Variants in ANGPTL2 observed in about 807,000 individuals in gnomAD.
The protein encoded by ANGPTL2 is angiopoietin-related protein 2.
A neutral mutation model predicts 52.8 loss-of-function variants in ANGPTL2; 25 were observed. The observed-to-expected ratio is 0.47, with a 90% CI of 0.35 to 0.66. The LOEUF is 0.66. ANGPTL2 is among the 30% of genes least tolerant of loss of function. The probability of loss-of-function intolerance (pLI) is 0.01; values close to 1 mark genes in which losing one functional copy is unlikely to be tolerated. For synonymous variants in ANGPTL2, 276 were observed against 277.4 expected, an observed-to-expected ratio of 1.00 and a Z score of 0.05; for missense variants, 546 against 656.9, an observed-to-expected ratio of 0.83 and a Z score of 1.84.
chr9:127,109,666 T>G (rs1400106833), intron 1 of ANGPTL2, among the ~76,000 whole-genome samples: 1 of 152,238 alleles, frequency 6.6e-6, no homozygotes, highest in East Asian at 1.9e-4. Context: ...AGATGTTGAT[T>G]GAACACCTGT....
At chr9:127,115,717 A>G (rs1468179854) in intron 1 of ANGPTL2, among the ~76,000 whole-genome samples, 1 of 152,236 alleles carries the variant, frequency 6.6e-6, no homozygotes, top group Non-Finnish European at 1.5e-5. Flanking sequence ...TGTTGACTGA[A>G]TAAGTAGAAA....
At chr9:127,092,061 ACCTGGTTCAGAC>A in intron 3 of ANGPTL2, 121 bp from the exon 4 acceptor site, 1 of 1,251,110 alleles carries the variant, frequency 8.0e-7, no homozygotes. Flanking sequence ...CATGAAGCAG[ACCTGGTTCAGAC>A]CCCTACTCCA....
intron 1 of ANGPTL2, among the ~76,000 whole-genome samples, chr9:127,119,615 A>T (rs1274123530): frequency 6.6e-6 from 1 of 152,238 alleles, no homozygotes; most frequent in Non-Finnish European, 1.5e-5. Flanking sequence ...GGATGAAATG[A>T]CATAATGTAT....
intron 1 of ANGPTL2, among the ~76,000 whole-genome samples, chr9:127,120,199 A>G (rs2055901310): frequency 6.6e-6 from 1 of 152,188 alleles, no homozygotes; most frequent in African/African-American, 2.4e-5. Flanking sequence ...CCACAGCACT[A>G]AGGTAGCTGC....
chr9:127,119,241 T>C (rs535423235), intron 1 of ANGPTL2, among the ~76,000 whole-genome samples: 1 of 152,250 alleles, frequency 6.6e-6, no homozygotes, highest in East Asian at 1.9e-4. Flanking sequence ...AGAGTAACAG[T>C]CATGCCTATT....
chr9:127,108,085 G>A lies in ANGPTL2; in HGVS notation c.647C>T (p.Pro216Leu). 1.2e-6 allele frequency: 2 copies of A among 1,611,562 alleles called. No homozygotes were observed. The highest frequency in any genetic ancestry group is 1.7e-4 in the Middle Eastern group (1 of 6,010). ...RVPSARPVPQ[P>L]PPAAPPRVYQ... ...GACCCGGGGCGGGGCAGCGGGGGGT[G>A]GCTGGGGGACGGGCCTGGCCGAGGG... Residue 216 changes from proline to leucine, a missense_variant, in exon 2 of 5, where the codon CCA (proline) becomes CTA (leucine). This residue lies in a region of ANGPTL2 where 285 missense variants were observed against 295.8 expected (regional missense o/e 0.96). Coordinates refer to ENST00000373425, the MANE Select transcript of ANGPTL2 (RefSeq NM_012098.3).
At position 127,106,079 on chromosome 9, in the gene ANGPTL2, T is replaced by C. The variant is rs574869581; in HGVS notation, c.817+1836A>G. On this transcript the variant is annotated intron_variant, in intron 2 of 4. Coordinates refer to ENST00000373425, the MANE Select transcript of ANGPTL2 (RefSeq NM_012098.3). Reference sequence around the variant, plus strand: ...AGAGCATGGATGCAAACCCAGGTCTTATTCCTATACTATGTATCTGCCAGC... The same window carrying C: ...AGAGCATGGATGCAAACCCAGGTCTCATTCCTATACTATGTATCTGCCAGC... 2.8e-4 allele frequency among the ~76,000 whole-genome samples: 42 copies of C among 152,350 alleles called. 1 individual carries two copies. The South Asian group carries it at 8.7e-3, about 32-fold the overall frequency.
intron 2 of ANGPTL2, among the ~76,000 whole-genome samples, chr9:127,102,507 A>G (rs2053838181): frequency 6.6e-6 from 1 of 152,220 alleles, no homozygotes; most frequent in South Asian, 2.1e-4. Flanking sequence ...ATTTTCAGGC[A>G]TCAAGATCCC....
intron 2 of ANGPTL2, among the ~76,000 whole-genome samples, chr9:127,105,060 C>G (rs1246248331): frequency 6.6e-6 from 1 of 152,158 alleles, no homozygotes; most frequent in African/African-American, 2.4e-5. Context: ...GACCCTCCCC[C>G]AGCTGCTCTC....
chr9:127,092,778 C>T (rs929727672), intron 3 of ANGPTL2, among the ~76,000 whole-genome samples: 2 of 151,996 alleles, frequency 1.3e-5, no homozygotes, highest in Non-Finnish European at 2.9e-5. Flanking sequence ...AGGAGTCTCC[C>T]GCTCCTAATG....
At chr9:127,094,780 C>G (rs1490382600) in intron 2 of ANGPTL2, among the ~76,000 whole-genome samples, 2 of 152,252 alleles carry the variant, frequency 1.3e-5, no homozygotes, top group African/African-American at 2.4e-5. Flanking sequence ...ATCCATGGCT[C>G]TCTTCTGAAA....
intron 1 of ANGPTL2, among the ~76,000 whole-genome samples, chr9:127,116,409 G>A (rs1478198011): frequency 6.6e-6 from 1 of 152,158 alleles, no homozygotes; most frequent in African/African-American, 2.4e-5. Flanking sequence ...TGCGTTATTT[G>A]GGAACCATTT....
chr9:127,088,007 C>T lies in ANGPTL2; in HGVS notation c.*932G>A, dbSNP rs1298997430. The T allele has an allele frequency of 6.6e-6, 1 of 152,586 alleles. No homozygotes were observed. Among genetic ancestry groups the T allele is most frequent in the African/African-American group, 2.4e-5 (1 of 41,420 alleles). 9.5% of individuals were successfully genotyped at this position (152,586 alleles called of 1,614,324 possible). A position where few individuals can be genotyped will look rare whatever the true frequency, so the allele number is the denominator to read the frequency against. On this transcript the variant is annotated 3_prime_UTR_variant, in exon 5 of 5. Transcript: ENST00000373425. ...TGGCCTTCCCTTCCCAACCAGAAACCTGGAGCCCGGAGTGTTTCCTACTCA... is the reference window on the plus strand; with the variant it reads ...TGGCCTTCCCTTCCCAACCAGAAACTTGGAGCCCGGAGTGTTTCCTACTCA...
At position 127,088,803 on chromosome 9, in the gene ANGPTL2, T is replaced by A. The variant is rs1176499176; in HGVS notation, c.*136A>T. Reference sequence around the variant, plus strand: ...AGTTCCATCATCCGCTGCAGTGACTTCGGAAAACAGAATCCAGCATCCCGG... The same window carrying A: ...AGTTCCATCATCCGCTGCAGTGACTACGGAAAACAGAATCCAGCATCCCGG... On this transcript the variant is annotated 3_prime_UTR_variant, in exon 5 of 5. Coordinates refer to ENST00000373425, the MANE Select transcript of ANGPTL2 (RefSeq NM_012098.3). 9.7e-7 allele frequency: 1 copy of A among 1,025,788 alleles called. No individual in the cohort carries two copies. The allele number at this position is 1,025,788 out of a possible 1,614,324, so 63.5% of individuals were successfully genotyped here.
chr9:127,107,086 G>A (rs1393964761), intron 2 of ANGPTL2: 1 of 152,254 alleles, frequency 6.6e-6, no homozygotes. Flanking sequence ...GCTTCTTCCA[G>A]AAATGATGAT....
At chr9:127,114,567 G>A (rs1367400094) in intron 1 of ANGPTL2, among the ~76,000 whole-genome samples, 1 of 152,236 alleles carries the variant, frequency 6.6e-6, no homozygotes, top group Non-Finnish European at 1.5e-5. Flanking sequence ...CCGGATCTCA[G>A]GAGTTGATTC....
chr9:127,120,619 C>G (rs1380246126), intron 1 of ANGPTL2, among the ~76,000 whole-genome samples: 2 of 152,152 alleles, frequency 1.3e-5, no homozygotes, highest in Non-Finnish European at 2.9e-5. Context: ...GTCAGGAGAT[C>G]GAGACCATCC....
chr9:127,113,054 C>T (rs62578764), intron 1 of ANGPTL2, among the ~76,000 whole-genome samples: 56,933 of 152,010 alleles, frequency 0.37, 12,499 homozygotes, highest in Non-Finnish European at 0.48. Flanking sequence ...TACTGTTACA[C>T]CTCTGTGGGG....
Position 127,093,793 on chromosome 9 carries a change from G to A in ANGPTL2, c.951C>T (p.Thr317=), listed in dbSNP as rs377495452. The change falls in exon 3 of 5, where the codon ACC becomes ACT. Residue 317 remains threonine, a synonymous_variant. Coordinates refer to ENST00000373425, the MANE Select transcript of ANGPTL2 (RefSeq NM_012098.3). ...AGCCATCCAGGCGTCTCTGGATGAC[G>A]GTCCAGCCCCCGGGGTCGTGTCTCT... ...CDQRHDPGGW[T]VIQRRLDGSV... The A allele has an allele frequency of 5.0e-6, 8 of 1,613,896 alleles. 1 individual carries two copies. The Admixed American group carries it at 6.7e-5, about 13-fold the overall frequency.
Sources: gnomAD v4.1 joint callset for allele counts (sites outside exome capture counted in the v4.1 genomes callset) on GRCh38, gnomAD v4.1.1 for gene constraint, gnomAD v4.1.1 regional missense constraint, MANE v1.5 for transcripts, NCBI Gene and HGNC (gene_info 2026-07-23, HGNC 2026-07-21) for gene names.